RB1CC1: variants seen among roughly 807,000 people sequenced by gnomAD.
RB1CC1 encodes RB1-inducible coiled-coil protein 1.
Under a neutral mutation model 177.5 loss-of-function variants are expected in RB1CC1, and 46 were observed. That is an observed-to-expected ratio of 0.26 (90% confidence interval 0.20 to 0.33). The LOEUF (loss-of-function observed/expected upper bound fraction) is 0.33. Ranked by LOEUF, RB1CC1 falls within the 10% of genes least tolerant of loss-of-function variation. The pLI is 1.00. For synonymous variants in RB1CC1, 666 were observed against 613.6 expected, an observed-to-expected ratio of 1.09 and a Z score of -1.26; for missense variants, 1,703 against 1,816.3, an observed-to-expected ratio of 0.94 and a Z score of 1.13.
intron 16 of RB1CC1, among the ~76,000 whole-genome samples, chr8:52,645,212 G>A (rs1205439402): frequency 1.3e-5 from 2 of 151,992 alleles, no homozygotes; most frequent in East Asian, 3.9e-4. Flanking sequence ...CCTATCAGAA[G>A]GATAAGAATT....
At chr8:52,692,186 G>C (rs1287686573) in intron 1 of RB1CC1, among the ~76,000 whole-genome samples, 10 of 151,990 alleles carry the variant, frequency 6.6e-5, no homozygotes, top group Admixed American at 5.9e-4. Flanking sequence ...ATCTAGTTAG[G>C]TACCAGGCAT....
intron 1 of RB1CC1, among the ~76,000 whole-genome samples, chr8:52,710,543 T>C (rs1280285297): frequency 6.6e-6 from 1 of 152,202 alleles, no homozygotes; most frequent in African/African-American, 2.4e-5. Context: ...TGGACTTTGC[T>C]TGAACTGCAT....
intron 1 of RB1CC1, among the ~76,000 whole-genome samples, chr8:52,712,982 C>A (rs1211406407): frequency 6.6e-6 from 1 of 152,190 alleles, no homozygotes; most frequent in African/African-American, 2.4e-5. Context: ...CTCTTTTTAT[C>A]GTCTATCACA....
intron 20 of RB1CC1, among the ~76,000 whole-genome samples, chr8:52,634,160 A>C (rs1848960681): frequency 6.6e-6 from 1 of 152,098 alleles, no homozygotes; most frequent in African/African-American, 2.4e-5. Flanking sequence ...CAAATCAATA[A>C]AAACCAGGGC....
intron 22 of RB1CC1, among the ~76,000 whole-genome samples, chr8:52,627,255 G>A (rs1848461275): frequency 1.3e-5 from 2 of 152,128 alleles, no homozygotes; most frequent in Non-Finnish European, 2.9e-5. Flanking sequence ...GCTGAGGCAG[G>A]AGAATTGCTT....
intron 8 of RB1CC1, among the ~76,000 whole-genome samples, chr8:52,664,847 A>G (rs1851932432): frequency 6.6e-6 from 1 of 152,230 alleles, no homozygotes; most frequent in Admixed American, 6.5e-5. Context: ...ACTTGAGGGC[A>G]ATATCAGCAA....
chr8:52,711,115 A>T (rs1284994393), intron 1 of RB1CC1, among the ~76,000 whole-genome samples: 1 of 152,204 alleles, frequency 6.6e-6, no homozygotes, highest in Non-Finnish European at 1.5e-5. Context: ...CATGGATGAA[A>T]AAAAATGGGC....
At chr8:52,673,788 G>A (rs1412051587) in intron 7 of RB1CC1, 57 bp downstream of exon 7, 4 of 1,418,188 alleles carry the variant, frequency 2.8e-6, no homozygotes, top group Non-Finnish European at 3.8e-6. Context: ...AAATATTTAG[G>A]ATAAATAATA....
At chr8:52,673,084 T>C (rs1264323616) in intron 7 of RB1CC1, among the ~76,000 whole-genome samples, 2 of 152,206 alleles carry the variant, frequency 1.3e-5, no homozygotes, top group African/African-American at 2.4e-5. Flanking sequence ...TCCCAGACAA[T>C]GTGCTATCCT....
chr8:52,624,786 A>G lies in RB1CC1; in HGVS notation c.4638T>C (p.Ala1546=). Residue 1546 remains alanine (A), a splice_region_variant and synonymous_variant, in exon 23 of 24, where the codon GCT becomes GCC. Transcript: ENST00000025008. ...CCCAGGGTCTTCTAGATGCACCTGA[A>G]GCTAATGAAATTAAATAGTTAATCT... is the stretch of plus-strand genomic sequence containing the variant. ...PALDLKPGEG[A]SGASRRPWVL... is the part of the protein sequence containing the mutation. The G allele has an allele frequency of 2.6e-6, 4 of 1,532,330 alleles. No homozygotes were observed. Among genetic ancestry groups the G allele is most frequent in the Non-Finnish European group, 3.5e-6 (4 of 1,133,458 alleles). The allele number at this position is 1,532,330 out of a possible 1,614,324, so 94.9% of individuals were successfully genotyped here.
Position 52,657,323 on chromosome 8 carries a change from A to C in RB1CC1, c.2506T>G (p.Ser836Ala). 1 of 1,613,136 alleles carries C rather than the reference A, an allele frequency of 6.2e-7. No individual in the cohort carries two copies. The highest frequency in any genetic ancestry group is 8.5e-7 in the Non-Finnish European group (1 of 1,179,228). The change falls in exon 15 of 24, where the codon TCA becomes GCA. Residue 836 changes from serine (S) to alanine (A), a missense_variant. Physicochemically the swap from Ser to Ala is moderately conservative, Grantham distance 99. Transcript: ENST00000025008. ...ATTTCTACTGCTGTACATTTTAATGAATTTGAGAAGTCACACTGTTCTTTT... is the reference window on the plus strand; with the variant it reads ...ATTTCTACTGCTGTACATTTTAATGCATTTGAGAAGTCACACTGTTCTTTT... ...VQKEQCDFSN[S>A]LKCTAVEIRN...
At chr8:52,711,112 G>GA (rs913434441) in intron 1 of RB1CC1, among the ~76,000 whole-genome samples, 1 of 151,716 alleles carries the variant, frequency 6.6e-6, no homozygotes, top group Non-Finnish European at 1.5e-5. Flanking sequence ...AATCATGGAT[G>GA]AAAAAAAATG....
intron 20 of RB1CC1, among the ~76,000 whole-genome samples, chr8:52,630,984 C>A (rs566261021): frequency 6.6e-6 from 1 of 152,290 alleles, no homozygotes; most frequent in South Asian, 2.1e-4. Flanking sequence ...GAACACCAAA[C>A]AAAGGAAGGA....
At chr8:52,698,789 C>T (rs1311853435) in intron 1 of RB1CC1, among the ~76,000 whole-genome samples, 1 of 139,604 alleles carries the variant, frequency 7.2e-6, no homozygotes, top group East Asian at 2.2e-4. Context: ...TTCCCGAATT[C>T]AAGTGATTCT....
At position 52,658,202 on chromosome 8, in the gene RB1CC1, T is replaced by A. The variant is rs556238220; in HGVS notation, c.1794-78A>T. 3 of 1,397,326 alleles carry A rather than the reference T, an allele frequency of 2.1e-6. No individual in the cohort carries two copies. The Admixed American group carries it at 6.8e-5, about 32-fold the overall frequency. 86.6% of individuals were successfully genotyped at this position (1,397,326 alleles called of 1,614,324 possible). On this transcript the variant is annotated intron_variant, in intron 13 of 23. Transcript: ENST00000025008. Reference sequence around the variant, plus strand: ...ATAACTGCTACCAAATATTTTAATATGTCAAAAATAACAAGAGCCTTATCA... The same window carrying A: ...ATAACTGCTACCAAATATTTTAATAAGTCAAAAATAACAAGAGCCTTATCA...
At chr8:52,704,455 TA>T (rs370418132) in intron 1 of RB1CC1, among the ~76,000 whole-genome samples, 748 of 68,380 alleles carry the variant, frequency 0.011, 5 homozygotes, top group East Asian at 0.035. Flanking sequence ...AAGGTGACAT[TA>T]AAAAAAAAAA....
chr8:52,645,991 G>A, intron 15 of RB1CC1, 124 bp from the exon 16 acceptor site: 1 of 916,766 alleles, frequency 1.1e-6, no homozygotes, highest in South Asian at 1.6e-5. Context: ...ATATCTGTGT[G>A]AACCCTCTCT....
intron 15 of RB1CC1, among the ~76,000 whole-genome samples, chr8:52,653,531 T>C (rs2150459271): frequency 6.6e-6 from 1 of 152,220 alleles, no homozygotes; most frequent in Admixed American, 6.5e-5. Flanking sequence ...GAGGCTTAAC[T>C]TACCAAGAGA....
At chr8:52,698,844 C>T (rs1855730904) in intron 1 of RB1CC1, among the ~76,000 whole-genome samples, 1 of 151,392 alleles carries the variant, frequency 6.6e-6, no homozygotes, top group African/African-American at 2.4e-5. Context: ...CGCCTGCCAC[C>T]ACGCCCGGCT....
Sources: allele counts gnomAD v4.1 joint callset (sites outside exome capture counted in the v4.1 genomes callset), GRCh38; gene constraint gnomAD v4.1.1; transcripts MANE v1.5; gene names NCBI Gene and HGNC (gene_info 2026-07-23, HGNC 2026-07-21).